TTLL11: variants seen among roughly 807,000 people sequenced by gnomAD.
The protein encoded by TTLL11 is tubulin tyrosine ligase like 11.
A neutral mutation model predicts 51.7 loss-of-function variants in TTLL11; 42 were observed. That is an observed-to-expected ratio of 0.81 (90% CI 0.64 to 1.05). The LOEUF is 1.05. TTLL11 is among the 50% of genes least tolerant of loss of function. TTLL11 has a pLI of 0.00. For synonymous variants in TTLL11, 381 were observed against 383.5 expected (o/e 0.99, Z 0.08); for missense variants, 799 against 940.4 (o/e 0.85, Z 1.97).
chr9:121,850,020 G>A (rs1837622261), intron 8 of TTLL11, among the ~76,000 whole-genome samples: 2 of 151,914 alleles, frequency 1.3e-5, no homozygotes, highest in Middle Eastern at 3.4e-3. Flanking sequence ...TTATGTAACT[G>A]TTACACTGTA....
At chr9:122,050,130 T>C (rs1344041632) in intron 1 of TTLL11, among the ~76,000 whole-genome samples, 1 of 152,094 alleles carries the variant, frequency 6.6e-6, no homozygotes, top group Admixed American at 6.5e-5. Context: ...CAGCTACAAC[T>C]GAGAAAAACA....
At chr9:122,033,780 T>C (rs182933497) in intron 2 of TTLL11, among the ~76,000 whole-genome samples, 11 of 152,288 alleles carry the variant, frequency 7.2e-5, no homozygotes, top group African/African-American at 2.6e-4. Flanking sequence ...TTTAGAAGGA[T>C]GTAGGGAAGG....
chr9:121,841,094 G>A (rs910819335), intron 8 of TTLL11, among the ~76,000 whole-genome samples: 6 of 152,108 alleles, frequency 3.9e-5, no homozygotes, highest in South Asian at 2.1e-4. Context: ...ACAGACAACC[G>A]TCTCACCCAT....
rs894884399 is a variant in TTLL11 at position 121,908,118 on chromosome 9, G to C, written c.1482-37370C>G. ...CTAGCATTCAAACATAAAGAATGTG[G>C]AATGCATAAGAAAAAGGGGAAGACA... On this transcript the variant is annotated intron_variant, in intron 6 of 8. Transcript: ENST00000321582. 3.3e-5 allele frequency among the ~76,000 whole-genome samples: 5 copies of C among 152,300 alleles called. No individual in the cohort carries two copies. In the East Asian group the frequency reaches 5.8e-4, roughly 18 times the overall value.
Position 121,950,944 on chromosome 9 carries a change from T to C in TTLL11, c.1481+23065A>G, listed in dbSNP as rs556850304. On this transcript the variant is annotated intron_variant, in intron 6 of 8. Transcript: ENST00000321582. ...TGGCCACAGTAACCCTCGATAAATGTGATGTTGATGATGATGACGAGGGGA... is the reference window on the plus strand; with the variant it reads ...TGGCCACAGTAACCCTCGATAAATGCGATGTTGATGATGATGACGAGGGGA... Among the ~76,000 whole-genome samples, 35 of 152,230 alleles carry C rather than the reference T, an allele frequency of 2.3e-4. 1 individual carries two copies. Among genetic ancestry groups the C allele is most frequent in the East Asian group, 5.8e-4 (3 of 5,168 alleles).
chr9:122,005,363 C>G (rs866602291), intron 3 of TTLL11, among the ~76,000 whole-genome samples: 2 of 152,170 alleles, frequency 1.3e-5, no homozygotes, highest in African/African-American at 2.4e-5. Context: ...CTTTCCCTCT[C>G]TGGGTCTCAG....
chr9:121,970,163 T>C (rs1172165676), intron 6 of TTLL11, among the ~76,000 whole-genome samples: 1 of 152,246 alleles, frequency 6.6e-6, no homozygotes, highest in African/African-American at 2.4e-5. Context: ...TTCCTGGTTA[T>C]CAATAAAAAA....
Position 121,920,894 on chromosome 9 carries a change from C to T in TTLL11, c.1482-50146G>A, listed in dbSNP as rs114046340. ...TTACCCACTACAGAGGGCCTAGGAC[C>T]GCTTTGCCTGGGGAAGGTAAGAAGA... On this transcript the variant is annotated intron_variant, in intron 6 of 8. Transcript: ENST00000321582. Among the ~76,000 whole-genome samples the T allele has an allele frequency of 2.2e-3, 335 of 152,312 alleles. 2 individuals carry two copies. The highest frequency in any genetic ancestry group is 7.7e-3 in the African/African-American group (321 of 41,546).
chr9:122,070,306 T>C (rs1022128377), intron 1 of TTLL11, among the ~76,000 whole-genome samples: 3 of 151,992 alleles, frequency 2.0e-5, no homozygotes, highest in African/African-American at 7.3e-5. Flanking sequence ...TGAGCAAAGG[T>C]TGGTGGCACA....
intron 6 of TTLL11, 138 bp downstream of exon 6, chr9:121,973,871 A>G (rs1842635397): frequency 1.9e-6 from 1 of 536,684 alleles, no homozygotes; most frequent in South Asian, 3.2e-5. Flanking sequence ...TTATAAAACA[A>G]AGATATTTTA....
At chr9:122,018,380 G>A (rs1844057956) in intron 3 of TTLL11, among the ~76,000 whole-genome samples, 2 of 152,118 alleles carry the variant, frequency 1.3e-5, no homozygotes, top group East Asian at 1.9e-4. Context: ...CCAAAGTGCT[G>A]GGATTACAGG....
At chr9:122,082,489 G>A (rs1307183601) in intron 1 of TTLL11, among the ~76,000 whole-genome samples, 8 of 125,592 alleles carry the variant, frequency 6.4e-5, no homozygotes, top group Non-Finnish European at 9.4e-5. Context: ...GTGACAGAGC[G>A]AGACTCTGTC....
intron 6 of TTLL11, among the ~76,000 whole-genome samples, chr9:121,958,567 AGAGGTCAT>A (rs1588154580): frequency 6.6e-6 from 1 of 152,174 alleles, no homozygotes; most frequent in East Asian, 1.9e-4. Flanking sequence ...AGCACCTCAC[AGAGGTCAT>A]GGTGTATAGA....
intron 3 of TTLL11, among the ~76,000 whole-genome samples, chr9:122,000,636 A>C (rs1428212433): frequency 6.6e-6 from 1 of 152,208 alleles, no homozygotes; most frequent in African/African-American, 2.4e-5. Context: ...TGGCATGGCA[A>C]CGTCAGGAAG....
In TTLL11 at chr9:122,020,155, C is replaced by T. The variant is rs373731786; in HGVS notation, c.693+11568G>A. On this transcript the variant is annotated intron_variant, in intron 3 of 8. Coordinates refer to ENST00000321582, the MANE Select transcript of TTLL11 (RefSeq NM_001139442.2). ...TCTCTTAAACTTTAGTGACTCCACA[C>T]TGCTCATCATTCCAAAATGCCATAC... is the stretch of plus-strand genomic sequence containing the variant. 5.1e-4 allele frequency among the ~76,000 whole-genome samples: 77 copies of T among 152,364 alleles called. No individual in the cohort carries two copies. The South Asian group carries it at 0.016, about 31-fold the overall frequency.
chr9:121,895,388 TTGTG>T (rs759806964), intron 6 of TTLL11, among the ~76,000 whole-genome samples: 1 of 151,412 alleles, frequency 6.6e-6, no homozygotes, highest in African/African-American at 2.4e-5. Flanking sequence ...GGTTGTATGA[TTGTG>T]TGTTTGTGTG....
intron 6 of TTLL11, among the ~76,000 whole-genome samples, chr9:121,940,024 T>C (rs558422722): frequency 6.6e-6 from 1 of 152,266 alleles, no homozygotes; most frequent in East Asian, 1.9e-4. Flanking sequence ...ACAAATGTCT[T>C]CCCTCCTCCA....
chr9:121,966,333 C>A (rs1421957940), intron 6 of TTLL11, among the ~76,000 whole-genome samples: 1 of 152,148 alleles, frequency 6.6e-6, no homozygotes, highest in Non-Finnish European at 1.5e-5. Context: ...TCAATAAAAC[C>A]CCCTCCGATT....
chr9:121,892,886 G>A (rs1405303655), intron 6 of TTLL11, among the ~76,000 whole-genome samples: 3 of 152,148 alleles, frequency 2.0e-5, no homozygotes, highest in Admixed American at 2.0e-4. Context: ...GCAGTCAGGG[G>A]GTTGCAGAAG....
Sources: gnomAD v4.1 joint callset for allele counts (sites outside exome capture counted in the v4.1 genomes callset) on GRCh38, gnomAD v4.1.1 for gene constraint, MANE v1.5 for transcripts, NCBI Gene and HGNC (gene_info 2026-07-23, HGNC 2026-07-21) for gene names.